Variants in HERC4 observed in about 807,000 individuals in gnomAD.
HERC4 encodes probable E3 ubiquitin-protein ligase HERC4.
In HERC4, 28 loss-of-function variants were observed where a neutral mutation model predicts 124.3. The observed-to-expected ratio is 0.23, with a 90% confidence interval of 0.17 to 0.31. HERC4 has a LOEUF of 0.31. Ranked by LOEUF, HERC4 falls within the 10% of genes least tolerant of loss-of-function variation. HERC4 has a pLI of 1.00. For synonymous variants in HERC4, 407 were observed against 421.5 expected, an observed-to-expected ratio of 0.97 and a Z score of 0.42; for missense variants, 713 against 1,229.3, an observed-to-expected ratio of 0.58 and a Z score of 6.28.
At chr10:67,934,983 T>A (rs2032208020) in intron 22 of HERC4, among the ~76,000 whole-genome samples, 1 of 151,872 alleles carries the variant, frequency 6.6e-6, no homozygotes. Context: ...TTTTTCCATT[T>A]TTAATTGTAT....
chr10:67,992,995 T>TA (rs1042009974), intron 9 of HERC4: 12 of 180,352 alleles, frequency 6.7e-5, no homozygotes, highest in East Asian at 5.8e-4. Context: ...AAAGATGATT[T>TA]AAAAAAAATA....
chr10:67,967,595 A>T (rs754788973), intron 15 of HERC4, among the ~76,000 whole-genome samples: 5 of 152,208 alleles, frequency 3.3e-5, no homozygotes, highest in Non-Finnish European at 7.3e-5. Context: ...TTACAAAGAT[A>T]AAAACAAATC....
chr10:67,932,516 T>TA, intron 23 of HERC4, 81 bp downstream of exon 23: 1 of 1,232,230 alleles, frequency 8.1e-7, no homozygotes, highest in Non-Finnish European at 1.1e-6. Context: ...GTGTATAAAA[T>TA]AAAAAATAAT....
At chr10:68,023,663 T>TA (rs1249693098) in intron 8 of HERC4, among the ~76,000 whole-genome samples, 1 of 152,194 alleles carries the variant, frequency 6.6e-6, no homozygotes, top group Non-Finnish European at 1.5e-5. Context: ...ATGTACTTAA[T>TA]ACCATGGACT....
chr10:68,001,841 T>C (rs2037251470), intron 9 of HERC4, among the ~76,000 whole-genome samples: 1 of 152,182 alleles, frequency 6.6e-6, no homozygotes, highest in South Asian at 2.1e-4. Context: ...TCACCCCACA[T>C]AATGTTCTCC....
In HERC4 at chr10:67,945,968, A is replaced by T. The variant is rs187641831; in HGVS notation, c.2338-4863T>A. Among the ~76,000 whole-genome samples the T allele has an allele frequency of 6.6e-5, 10 of 152,270 alleles. No homozygotes were observed. The East Asian group carries it at 1.9e-3, about 29-fold the overall frequency. On this transcript the variant is annotated intron_variant, in intron 19 of 24. Coordinates refer to ENST00000373700, the MANE Select transcript of HERC4 (RefSeq NM_015601.4). ...AAAAAACAACCAGAACACATTTAAA[A>T]ATGGCAGGAATAGCTGGACACTGCT...
At chr10:67,926,576 C>T (rs899989851) in intron 23 of HERC4, among the ~76,000 whole-genome samples, 18 of 152,136 alleles carry the variant, frequency 1.2e-4, no homozygotes, top group African/African-American at 4.1e-4. Context: ...GTTCCCTCAG[C>T]CTACACCACT....
intron 8 of HERC4, among the ~76,000 whole-genome samples, chr10:68,014,665 T>C (rs1049560848): frequency 2.0e-5 from 3 of 152,166 alleles, no homozygotes; most frequent in Non-Finnish European, 4.4e-5. Flanking sequence ...ACAGAAACAA[T>C]GTTTCCTTTC....
At chr10:67,942,059 C>T (rs2032956087) in intron 19 of HERC4, among the ~76,000 whole-genome samples, 1 of 152,128 alleles carries the variant, frequency 6.6e-6, no homozygotes, top group Non-Finnish European at 1.5e-5. Context: ...CTGAAACATA[C>T]TTACACTACT....
chr10:68,050,978 T>G (rs2040265525), intron 3 of HERC4, among the ~76,000 whole-genome samples: 1 of 152,046 alleles, frequency 6.6e-6, no homozygotes, highest in Non-Finnish European at 1.5e-5. Flanking sequence ...TATTATTTAC[T>G]ATGTTCCAGG....
chr10:67,991,110 A>G (rs763260970), intron 12 of HERC4, 30 bp downstream of exon 12: 1 of 1,470,022 alleles, frequency 6.8e-7, no homozygotes, highest in South Asian at 1.5e-5. Context: ...AAATTTGAAA[A>G]TTTCAGCATA....
intron 11 of HERC4, among the ~76,000 whole-genome samples, chr10:67,991,693 A>G (rs1234215174): frequency 6.6e-6 from 1 of 152,190 alleles, no homozygotes; most frequent in Non-Finnish European, 1.5e-5. Context: ...GCAAGTTAAC[A>G]AAATATTCAA....
chr10:67,967,693 T>C lies in HERC4; in HGVS notation c.1807-891A>G, dbSNP rs550946051. On this transcript the variant is annotated intron_variant, in intron 15 of 24. Coordinates refer to ENST00000373700, the MANE Select transcript of HERC4 (RefSeq NM_015601.4). ...ATGAAATATTATGTTCTTGGTGATA[T>C]AGCTCAACAAGAAGCATACAAATGA... Among the ~76,000 whole-genome samples the C allele has an allele frequency of 2.2e-4, 34 of 152,320 alleles. No homozygotes were observed. In the South Asian group the frequency reaches 4.8e-3, roughly 21 times the overall value.
At chr10:67,931,162 A>G (rs1247737200) in intron 23 of HERC4, among the ~76,000 whole-genome samples, 1 of 151,604 alleles carries the variant, frequency 6.6e-6, no homozygotes, top group Non-Finnish European at 1.5e-5. Context: ...TTGTATATTT[A>G]GTAGAGACGG....
intron 21 of HERC4, 43 bp downstream of exon 21, chr10:67,939,543 AAG>A: frequency 7.7e-7 from 1 of 1,304,328 alleles, no homozygotes; most frequent in South Asian, 1.3e-5. Flanking sequence ...TGTTAAATAA[AAG>A]AGATGATAAA....
intron 4 of HERC4, 90 bp downstream of exon 4, chr10:68,044,314 C>T (rs764468743): frequency 9.3e-6 from 12 of 1,285,912 alleles, no homozygotes; most frequent in Non-Finnish European, 1.3e-5. Context: ...GATGTCAACT[C>T]TTACAGGCCC....
At chr10:67,993,906 T>C (rs1027177852) in intron 9 of HERC4, 1 of 152,232 alleles carries the variant, frequency 6.6e-6, no homozygotes, top group South Asian at 2.1e-4. Flanking sequence ...CTTGTATTAT[T>C]TGTGACCATG....
intron 15 of HERC4, among the ~76,000 whole-genome samples, chr10:67,977,265 T>C (rs2035648913): frequency 6.6e-6 from 1 of 152,138 alleles, no homozygotes; most frequent in African/African-American, 2.4e-5. Context: ...GAAGACTGCT[T>C]TCCAGACTGT....
chr10:67,980,203 C>T (rs1589238178), intron 15 of HERC4, among the ~76,000 whole-genome samples: 2 of 152,224 alleles, frequency 1.3e-5, no homozygotes, highest in Admixed American at 1.3e-4. Context: ...CCTTCGCCTT[C>T]CAGATAGTCA....
Sources: allele counts gnomAD v4.1 joint callset (sites outside exome capture counted in the v4.1 genomes callset), GRCh38; gene constraint gnomAD v4.1.1; transcripts MANE v1.5; gene names NCBI Gene and HGNC (gene_info 2026-07-23, HGNC 2026-07-21).